ERI1: variants seen among roughly 807,000 people sequenced by gnomAD.
ERI1 encodes the protein 3'-5' exoribonuclease 1.
ERI1 carries 39 observed loss-of-function variants against 39.7 expected under a neutral mutation model. That is an observed-to-expected ratio of 0.98 (90% CI 0.76 to 1.28). The LOEUF (loss-of-function observed/expected upper bound fraction) is 1.28, where lower values mean the gene tolerates loss of function less well. ERI1 is among the 50% of genes most tolerant of loss of function. The probability of loss-of-function intolerance (pLI) is 0.00; values close to 1 mark genes in which losing one functional copy is unlikely to be tolerated. For synonymous variants in ERI1, 204 were observed against 149.6 expected (o/e 1.36, Z -2.65); for missense variants, 581 against 416.9 (o/e 1.39, Z -3.43).
downstream of ERI1, among the ~76,000 whole-genome samples, chr8:9,036,185 G>A (rs1326043368): frequency 6.6e-6 from 1 of 152,368 alleles, no homozygotes; most frequent in Non-Finnish European, 1.5e-5. Context: ...TGATAAACCA[G>A]TGGCGTGGTT....
At chr8:9,073,573 G>A (rs939002911) in intron 3 of ERI1, among the ~76,000 whole-genome samples, 1 of 152,156 alleles carries the variant, frequency 6.6e-6, no homozygotes, top group African/African-American at 2.4e-5. Flanking sequence ...TTTTGAAGAG[G>A]CATTAACTCA....
chr8:9,028,797 T>A (rs556808547), intron 6 of ERI1, among the ~76,000 whole-genome samples: 1 of 151,980 alleles, frequency 6.6e-6, no homozygotes, highest in Non-Finnish European at 1.5e-5. Flanking sequence ...ATAATTTTTA[T>A]ATTTTTAGTA....
chr8:9,023,106 T>C (rs1281899471), intron 6 of ERI1, among the ~76,000 whole-genome samples: 2 of 152,244 alleles, frequency 1.3e-5, no homozygotes, highest in Non-Finnish European at 2.9e-5. Context: ...TTGGTTAATA[T>C]GTCTCTTAAG....
intron 3 of ERI1, among the ~76,000 whole-genome samples, chr8:9,081,315 G>C (rs1433819140): frequency 6.6e-6 from 1 of 152,184 alleles, no homozygotes; most frequent in Admixed American, 6.5e-5. Context: ...GATAATTAAT[G>C]GGAGAAAGGT....
intron 3 of ERI1, among the ~76,000 whole-genome samples, chr8:9,054,484 C>G (rs1798448005): frequency 6.6e-6 from 1 of 152,168 alleles, no homozygotes; most frequent in Non-Finnish European, 1.5e-5. Flanking sequence ...GCTGACACCC[C>G]TACAACAAAA....
intron 3 of ERI1, among the ~76,000 whole-genome samples, chr8:9,097,941 T>TA (rs555841448): frequency 6.6e-6 from 1 of 152,156 alleles, no homozygotes; most frequent in Non-Finnish European, 1.5e-5. Context: ...TACTCAGTCA[T>TA]AAAAAGAAAT....
intron 3 of ERI1, among the ~76,000 whole-genome samples, chr8:9,093,625 T>C (rs1474993138): frequency 1.3e-5 from 2 of 152,174 alleles, no homozygotes; most frequent in Non-Finnish European, 2.9e-5. Flanking sequence ...TGGCGTGCAG[T>C]GGTGCAATCT....
chr8:9,057,423 T>C (rs777892425), intron 3 of ERI1, among the ~76,000 whole-genome samples: 3 of 152,172 alleles, frequency 2.0e-5, no homozygotes, highest in Non-Finnish European at 4.4e-5. Context: ...TGGCAACAAC[T>C]CCAATCGCCA....
At chr8:9,034,275 C>G (rs1301012150), downstream of ERI1, among the ~76,000 whole-genome samples, 1 of 152,252 alleles carries the variant, frequency 6.6e-6, no homozygotes, top group African/African-American at 2.4e-5. Flanking sequence ...AGGATGAATA[C>G]TGCTCAATCA....
At chr8:9,075,534 T>C (rs1436683355) in intron 3 of ERI1, among the ~76,000 whole-genome samples, 1 of 152,056 alleles carries the variant, frequency 6.6e-6, no homozygotes, top group East Asian at 1.9e-4. Flanking sequence ...ACACGGTCTT[T>C]ACATGGAATA....
At chr8:9,084,828 CCTT>C (rs34417331) in intron 3 of ERI1, among the ~76,000 whole-genome samples, 5,944 of 152,302 alleles carry the variant, frequency 0.039, 219 homozygotes, top group East Asian at 0.16. Flanking sequence ...ATCATTCTAA[CCTT>C]CTGAAGAAGC....
intron 3 of ERI1, among the ~76,000 whole-genome samples, chr8:9,015,892 C>G (rs1013625156): frequency 3.9e-4 from 60 of 151,976 alleles, no homozygotes; most frequent in Non-Finnish European, 1.0e-4. Flanking sequence ...AAAGACTATT[C>G]AGGAGTAAAT....
intron 1 of ERI1, among the ~76,000 whole-genome samples, chr8:9,003,569 A>G (rs189069855): frequency 1.7e-3 from 262 of 152,338 alleles, no homozygotes; most frequent in Middle Eastern, 3.4e-3. Context: ...CTGTTTTTAA[A>G]AAAAGAAAAA....
intron 6 of ERI1, among the ~76,000 whole-genome samples, chr8:9,027,853 CTTCT>C (rs1797296745): frequency 1.3e-5 from 2 of 152,174 alleles, no homozygotes; most frequent in Admixed American, 6.5e-5. Flanking sequence ...GCACTCCTTC[CTTCT>C]GTTAATGCTT....
intron 3 of ERI1, among the ~76,000 whole-genome samples, chr8:9,044,522 G>A (rs1798119039): frequency 6.6e-6 from 1 of 152,106 alleles, no homozygotes; most frequent in African/African-American, 2.4e-5. Flanking sequence ...AACTGGAGAT[G>A]ATGGAGAAAT....
At chr8:9,006,655 A>G (rs1816050711) in intron 1 of ERI1, among the ~76,000 whole-genome samples, 1 of 152,214 alleles carries the variant, frequency 6.6e-6, no homozygotes, top group Non-Finnish European at 1.5e-5. Flanking sequence ...TTGAAAGTGA[A>G]TCATTGGTCA....
chr8:9,028,734 C>A (rs1236782334), intron 6 of ERI1, among the ~76,000 whole-genome samples: 13 of 152,088 alleles, frequency 8.5e-5, no homozygotes, highest in Non-Finnish European at 1.9e-4. Flanking sequence ...AGGGATTCTT[C>A]TGCCTCAGCC....
chr8:9,038,044 C>T (rs187575272), downstream of ERI1, among the ~76,000 whole-genome samples: 30 of 152,208 alleles, frequency 2.0e-4, no homozygotes, highest in Non-Finnish European at 4.1e-4. Flanking sequence ...GAAACTGTAC[C>T]TATTTGCACA....
At chr8:9,062,495 T>A in intron 3 of ERI1, among the ~76,000 whole-genome samples, 1 of 147,588 alleles carries the variant, frequency 6.8e-6, no homozygotes, top group East Asian at 2.0e-4. Context: ...AGTTGGGGAG[T>A]TTTAAGAGGT....
Sources: allele counts gnomAD v4.1 joint callset (sites outside exome capture counted in the v4.1 genomes callset), GRCh38; gene constraint gnomAD v4.1.1; transcripts MANE v1.5; gene names NCBI Gene and HGNC (gene_info 2026-07-23, HGNC 2026-07-21).